RFX8: variants seen among roughly 807,000 people sequenced by gnomAD.
The protein encoded by RFX8 is regulatory factor X8.
A neutral mutation model predicts 54.6 loss-of-function variants in RFX8; 46 were observed. That is an observed-to-expected ratio of 0.84 (90% CI 0.67 to 1.08). The LOEUF is 1.08. Among genes scored for constraint, RFX8 ranks in the 50% least tolerant of loss-of-function variants. The pLI is 0.00. For missense variants in RFX8, 536 were observed against 562.3 expected (o/e 0.95, Z 0.47); for synonymous variants, 192 against 209.5 (o/e 0.92, Z 0.72).
At chr2:101,436,773 C>A (rs1432429053) in intron 2 of RFX8, among the ~76,000 whole-genome samples, 1 of 152,212 alleles carries the variant, frequency 6.6e-6, no homozygotes, top group African/African-American at 2.4e-5. Flanking sequence ...GGACTGACCA[C>A]CTCCAGGGGG....
In RFX8 at chr2:101,418,944, G is replaced by A; in HGVS notation, c.258C>T (p.Ser86=). 1 of 1,550,138 alleles carries A rather than the reference G, an allele frequency of 6.5e-7. No individual in the cohort carries two copies. Among genetic ancestry groups the A allele is most frequent in the Non-Finnish European group, 8.7e-7 (1 of 1,145,830 alleles). The change falls in exon 5 of 12, where the codon TCC becomes TCT. Residue 86 remains serine, a synonymous_variant. Coordinates refer to ENST00000428343, the MANE Select transcript of RFX8 (RefSeq NM_001145664.2). ...TGTCTTGCTGCAGAGACTTCCAGAA[G>A]GAAGTAAGCAAGTCCTCCACCTGGG... ...ILRNVEDLLT[S]FWKSLQQDTV...
rs749068517 is a variant in RFX8, at chr2:101,405,950, A to T, written c.921T>A (p.Asp307Glu). Residue 307 changes from aspartate to glutamate, a missense_variant, in exon 10 of 12, where the codon GAT (aspartate) becomes GAA (glutamate). Coordinates refer to ENST00000428343, the MANE Select transcript of RFX8 (RefSeq NM_001145664.2). Reference sequence around the variant, plus strand: ...TCTTATTCTCTGACTTACCAAAACTATCTCTGTGGCAGAGGGTCATGGCTT... The same window carrying T: ...TCTTATTCTCTGACTTACCAAAACTTTCTCTGTGGCAGAGGGTCATGGCTT... The part of the protein sequence containing the change: ...VSKAMTLCHR[D>E]SFGSWHLFHL... 2.6e-6 allele frequency: 4 copies of T among 1,523,846 alleles called. No individual in the cohort carries two copies. The highest frequency in any genetic ancestry group is 1.3e-5 in the South Asian group (1 of 78,600). The allele number at this position is 1,523,846 out of a possible 1,614,324, so 94.4% of individuals were successfully genotyped here.
chr2:101,419,070 T>G, intron 4 of RFX8, 106 bp from the exon 5 acceptor site: 2 of 637,200 alleles, frequency 3.1e-6, no homozygotes, highest in South Asian at 3.8e-5. Context: ...GGGATGAATT[T>G]TGTTCCAGTG....
intron 7 of RFX8, among the ~76,000 whole-genome samples, chr2:101,413,634 G>T (rs1686299000): frequency 6.6e-6 from 1 of 152,180 alleles, no homozygotes; most frequent in Non-Finnish European, 1.5e-5. Context: ...TTTTACAGAG[G>T]ACACAGAGGG....
At chr2:101,470,506 A>G (rs1689916165) in intron 1 of RFX8, among the ~76,000 whole-genome samples, 1 of 152,098 alleles carries the variant, frequency 6.6e-6, no homozygotes, top group Admixed American at 6.5e-5. Context: ...GCCTGTCTAC[A>G]TTTGAAGTGA....
chr2:101,461,155 G>A (rs1689252009), intron 2 of RFX8, among the ~76,000 whole-genome samples: 1 of 150,038 alleles, frequency 6.7e-6, no homozygotes, highest in Non-Finnish European at 1.5e-5. Context: ...TGTAGTCCCA[G>A]CTACTCCAGA....
In RFX8 at chr2:101,448,936, C is replaced by T. The variant is rs542537583; in HGVS notation, c.72+17841G>A. On this transcript the variant is annotated intron_variant, in intron 2 of 11. Coordinates refer to ENST00000428343, the MANE Select transcript of RFX8 (RefSeq NM_001145664.2). Reference sequence around the variant, plus strand: ...GCTGGTTGTATGGATGGACAGTGGTCAGCATGAAGAAGTGGAAGAAAGAAC... The same window carrying T: ...GCTGGTTGTATGGATGGACAGTGGTTAGCATGAAGAAGTGGAAGAAAGAAC... Among the ~76,000 whole-genome samples, 3 of 152,242 alleles carry T rather than the reference C, an allele frequency of 2.0e-5. No individual in the cohort carries two copies. In the East Asian group the frequency reaches 5.8e-4, roughly 29 times the overall value.
intron 10 of RFX8, among the ~76,000 whole-genome samples, chr2:101,403,995 A>G (rs999780842): frequency 6.6e-6 from 1 of 152,206 alleles, no homozygotes; most frequent in Non-Finnish European, 1.5e-5. Flanking sequence ...TATCAATCAC[A>G]ACCACCTGAC....
chr2:101,403,911 T>C (rs941666335), intron 10 of RFX8, among the ~76,000 whole-genome samples: 3 of 152,246 alleles, frequency 2.0e-5, no homozygotes, highest in African/African-American at 7.2e-5. Flanking sequence ...TTCAAAGTAC[T>C]AACTATATAC....
At chr2:101,412,664 T>C (rs974308103) in intron 8 of RFX8, among the ~76,000 whole-genome samples, 1 of 152,214 alleles carries the variant, frequency 6.6e-6, no homozygotes, top group Non-Finnish European at 1.5e-5. Context: ...TGATCGTTTA[T>C]GGACTCAACT....
At chr2:101,455,550 C>T (rs557680026) in intron 2 of RFX8, among the ~76,000 whole-genome samples, 1 of 152,220 alleles carries the variant, frequency 6.6e-6, no homozygotes, top group African/African-American at 2.4e-5. Context: ...ATTTCTGAGG[C>T]CTCTGTTCTG....
intron 5 of RFX8, among the ~76,000 whole-genome samples, 167 bp from the exon 6 acceptor site, chr2:101,417,851 T>C (rs1038835447): frequency 4.6e-5 from 7 of 152,200 alleles, no homozygotes; most frequent in Non-Finnish European, 7.3e-5. Context: ...CCATGCAGGA[T>C]GTCAGGCTGG....
intron 2 of RFX8, among the ~76,000 whole-genome samples, chr2:101,457,867 G>C (rs565328790): frequency 6.6e-6 from 1 of 152,212 alleles, no homozygotes; most frequent in African/African-American, 2.4e-5. Context: ...GGTCTCTAAG[G>C]ACTTGCTTTA....
At position 101,472,743 on chromosome 2, in the gene RFX8, C is replaced by A. The variant is rs1312772603; in HGVS notation, c.-53+1893G>T. Reference sequence around the variant, plus strand: ...TTTAACAAAGTTTATGAAGGCCCAGCGTGGTGGCTCACACCTGTAATCCCA... The same window carrying A: ...TTTAACAAAGTTTATGAAGGCCCAGAGTGGTGGCTCACACCTGTAATCCCA... On this transcript the variant is annotated intron_variant, in intron 1 of 11. Coordinates refer to ENST00000428343, the MANE Select transcript of RFX8 (RefSeq NM_001145664.2). Among the ~76,000 whole-genome samples, 3 of 152,106 alleles carry A rather than the reference C, an allele frequency of 2.0e-5. No individual in the cohort carries two copies. The East Asian group carries it at 5.8e-4, about 29-fold the overall frequency.
chr2:101,465,380 C>T (rs1025488070), intron 2 of RFX8, among the ~76,000 whole-genome samples: 8 of 152,146 alleles, frequency 5.3e-5, no homozygotes, highest in African/African-American at 1.9e-4. Context: ...CGTGGTGGTG[C>T]ACGCCTGTAG....
At chr2:101,466,703 A>G in intron 2 of RFX8, 74 bp downstream of exon 2, 1 of 1,071,542 alleles carries the variant, frequency 9.3e-7, no homozygotes, top group Non-Finnish European at 1.4e-6. Context: ...AATACATTGC[A>G]ACATTTCCTC....
chr2:101,446,891 T>A (rs1688415574), intron 2 of RFX8, among the ~76,000 whole-genome samples: 1 of 152,100 alleles, frequency 6.6e-6, no homozygotes, highest in Non-Finnish European at 1.5e-5. Flanking sequence ...AGAGAACAAA[T>A]TCGCACCAGG....
chr2:101,473,038 GAAAGAAAGGA>G (rs1046599506), intron 1 of RFX8, among the ~76,000 whole-genome samples: 14 of 152,058 alleles, frequency 9.2e-5, no homozygotes, highest in African/African-American at 3.1e-4. Context: ...AGAGAGAAAA[GAAAGAAAGGA>G]AAAGAAAGTT....
intron 8 of RFX8, among the ~76,000 whole-genome samples, chr2:101,412,331 C>T (rs776117889): frequency 2.0e-5 from 3 of 152,166 alleles, no homozygotes; most frequent in Non-Finnish European, 2.9e-5. Context: ...CAGCCAGCAA[C>T]GCAAGCTCTT....
Sources: gnomAD v4.1 joint callset for allele counts (sites outside exome capture counted in the v4.1 genomes callset) on GRCh38, gnomAD v4.1.1 for gene constraint, MANE v1.5 for transcripts, NCBI Gene and HGNC (gene_info 2026-07-23, HGNC 2026-07-21) for gene names.